The following COL19A1 variants were observed in gnomAD, a reference collection of about 807,000 sequenced individuals.
The protein encoded by COL19A1 is collagen type XIX alpha 1 chain.
A neutral mutation model predicts 190.2 loss-of-function variants in COL19A1; 159 were observed. The observed-to-expected ratio is 0.84, with a 90% confidence interval of 0.73 to 0.95. COL19A1 has a LOEUF of 0.95. COL19A1 is among the 40% of genes least tolerant of loss of function. COL19A1 has a pLI of 0.00. For synonymous variants in COL19A1, 509 were observed against 458.9 expected (o/e 1.11, Z -1.39); for missense variants, 1,418 against 1,431.9 (o/e 0.99, Z 0.16).
At chr6:69,890,721 T>TA (rs1380850104) in intron 2 of COL19A1, 1 of 152,262 alleles carries the variant, frequency 6.6e-6, no homozygotes, top group Middle Eastern at 3.2e-3. Flanking sequence ...CTGTATTTTA[T>TA]TAGCTATGTT....
At chr6:69,986,153 A>G (rs923436160) in intron 11 of COL19A1, among the ~76,000 whole-genome samples, 1 of 150,910 alleles carries the variant, frequency 6.6e-6, no homozygotes, top group Non-Finnish European at 1.5e-5. Flanking sequence ...TTAGTTTCAA[A>G]TAACATACAT....
At chr6:70,002,394 G>C (rs1469515873) in intron 11 of COL19A1, among the ~76,000 whole-genome samples, 1 of 152,028 alleles carries the variant, frequency 6.6e-6, no homozygotes, top group African/African-American at 2.4e-5. Context: ...AAATGAGTTA[G>C]AGAGGAGTCC....
At chr6:70,162,166 C>T (rs1440051464) in intron 35 of COL19A1, among the ~76,000 whole-genome samples, 2 of 152,110 alleles carry the variant, frequency 1.3e-5, no homozygotes, top group Non-Finnish European at 2.9e-5. Context: ...AGAATTCCAC[C>T]AGACCAGAAA....
chr6:70,050,040 A>T (rs1031623315), intron 14 of COL19A1, among the ~76,000 whole-genome samples: 4 of 152,102 alleles, frequency 2.6e-5, no homozygotes, highest in African/African-American at 9.6e-5. Flanking sequence ...CAGGAATTAT[A>T]CAGATCAAGG....
chr6:70,199,998 ATATTTAT>A, intron 49 of COL19A1: 2 of 308,834 alleles, frequency 6.5e-6, no homozygotes, highest in Non-Finnish European at 1.3e-5. Context: ...TGTAAAAATA[ATATTTAT>A]TATAACAATA....
intron 4 of COL19A1, among the ~76,000 whole-genome samples, chr6:69,904,729 CAA>C (rs1219106042): frequency 2.6e-5 from 4 of 152,166 alleles, no homozygotes; most frequent in African/African-American, 7.2e-5. Flanking sequence ...GGCTCAAGGT[CAA>C]ACTTACAGCT....
In COL19A1 at chr6:70,156,382, C is replaced by G; in HGVS notation, c.2238+13C>G. The G allele has an allele frequency of 6.2e-7, 1 of 1,612,740 alleles. No individual in the cohort carries two copies. The highest frequency in any genetic ancestry group is 1.7e-4 in the Middle Eastern group (1 of 5,932). ...AGAGGGACCAAAGGTAAGAAATTCTCTCCTCCACTTTCCCCTGTGGGAACC... is the reference window on the plus strand; with the variant it reads ...AGAGGGACCAAAGGTAAGAAATTCTGTCCTCCACTTTCCCCTGTGGGAACC... On this transcript the variant is annotated intron_variant, in intron 33 of 50. Transcript: ENST00000620364.
In COL19A1 at chr6:70,146,634, T is replaced by G. The variant is rs375261673; in HGVS notation, c.1771-25T>G. ...TTTATAACTTTTCTAGAAGAAGATA[T>G]GTATTCATACTTTTTTTCTTTTAGG... On this transcript the variant is annotated intron_variant, in intron 25 of 50. Coordinates refer to ENST00000620364, the MANE Select transcript of COL19A1 (RefSeq NM_001858.6). The G allele has an allele frequency of 3.8e-6, 6 of 1,582,602 alleles. No individual in the cohort carries two copies. In the African/African-American group the frequency reaches 6.8e-5, roughly 18 times the overall value.
At chr6:69,999,489 G>GT (rs1777117547) in intron 11 of COL19A1, among the ~76,000 whole-genome samples, 1 of 152,076 alleles carries the variant, frequency 6.6e-6, no homozygotes, top group South Asian at 2.1e-4. Flanking sequence ...ACCTGTGATC[G>GT]TATCATTGCA....
chr6:70,049,353 TAAA>T (rs764655589), intron 14 of COL19A1, among the ~76,000 whole-genome samples: 1 of 151,954 alleles, frequency 6.6e-6, no homozygotes, highest in Non-Finnish European at 1.5e-5. Context: ...ATTAGTTGAT[TAAA>T]ATATAAGGTA....
At chr6:69,985,974 A>G (rs2150069617) in intron 11 of COL19A1, among the ~76,000 whole-genome samples, 1 of 152,126 alleles carries the variant, frequency 6.6e-6, no homozygotes. Context: ...GTTAAAACAT[A>G]TATTCTTCAT....
intron 16 of COL19A1, among the ~76,000 whole-genome samples, chr6:70,118,573 C>T (rs2150208204): frequency 6.6e-6 from 1 of 152,126 alleles, no homozygotes; most frequent in Middle Eastern, 3.4e-3. Flanking sequence ...ATCCCAGTGA[C>T]TAAAAAAGTG....
At chr6:70,119,939 A>T (rs1236651389) in intron 16 of COL19A1, among the ~76,000 whole-genome samples, 1 of 152,112 alleles carries the variant, frequency 6.6e-6, no homozygotes, top group Non-Finnish European at 1.5e-5. Flanking sequence ...AAAAATACAA[A>T]AATTAGCCAG....
intron 4 of COL19A1, among the ~76,000 whole-genome samples, chr6:69,905,305 G>A (rs1465490461): frequency 6.6e-6 from 1 of 152,220 alleles, no homozygotes; most frequent in Non-Finnish European, 1.5e-5. Flanking sequence ...TTATTCAGCA[G>A]CTCTCTCAAC....
chr6:70,022,565 A>G (rs947000014), intron 11 of COL19A1, among the ~76,000 whole-genome samples: 1 of 152,196 alleles, frequency 6.6e-6, no homozygotes, highest in Non-Finnish European at 1.5e-5. Context: ...GGGACAATAG[A>G]AGTATACACT....
chr6:69,919,944 AG>A (rs1341487119), intron 4 of COL19A1, among the ~76,000 whole-genome samples: 3 of 152,096 alleles, frequency 2.0e-5, no homozygotes, highest in Non-Finnish European at 2.9e-5. Flanking sequence ...TAGGTGTGTG[AG>A]GGGGTGCAGT....
intron 14 of COL19A1, among the ~76,000 whole-genome samples, chr6:70,045,038 C>T (rs976728440): frequency 1.3e-5 from 2 of 152,098 alleles, no homozygotes; most frequent in African/African-American, 4.8e-5. Context: ...TCTTTCCAGG[C>T]ACGGTGGCTC....
At chr6:70,185,097 TG>T (rs1365416374) in intron 46 of COL19A1, among the ~76,000 whole-genome samples, 182 bp downstream of exon 46, 1 of 152,232 alleles carries the variant, frequency 6.6e-6, no homozygotes, top group African/African-American at 2.4e-5. Flanking sequence ...GCAAGTTATA[TG>T]GTACATCTAT....
intron 49 of COL19A1, among the ~76,000 whole-genome samples, chr6:70,201,337 C>G (rs1329711235): frequency 6.6e-6 from 1 of 152,208 alleles, no homozygotes; most frequent in Non-Finnish European, 1.5e-5. Context: ...GGCTGTCAGT[C>G]AGAGGCAATT....
Sources: allele counts gnomAD v4.1 joint callset (sites outside exome capture counted in the v4.1 genomes callset), GRCh38; gene constraint gnomAD v4.1.1; transcripts MANE v1.5; gene names NCBI Gene and HGNC (gene_info 2026-07-23, HGNC 2026-07-21).